The following FERRY3 variants were observed in gnomAD, a reference collection of about 807,000 sequenced individuals.
FERRY3 encodes the protein FERRY endosomal RAB5 effector complex subunit 3, also known as protein C12orf4.
chr12:4,516,940 C>A, the FERRY3 span: 2 of 975,474 alleles, frequency 2.1e-6, no homozygotes, highest in Non-Finnish European at 2.7e-6. Flanking sequence ...TTAAAAAAAT[C>A]TTAATTTTGT....
the FERRY3 span, chr12:4,518,179 A>T: frequency 6.2e-7 from 1 of 1,614,118 alleles, no homozygotes; most frequent in Non-Finnish European, 8.5e-7. Flanking sequence ...CACTTCGATG[A>T]TTTCTTTTAT....
the FERRY3 span, among the ~76,000 whole-genome samples, chr12:4,509,592 TGACCCCC>T: frequency 6.8e-6 from 1 of 146,896 alleles, no homozygotes; most frequent in African/African-American, 2.7e-5. Context: ...CCCTGACCCC[TGACCCCC>T]GAGCAGCCTA....
the FERRY3 span, among the ~76,000 whole-genome samples, chr12:4,493,906 A>G: frequency 1.5e-4 from 23 of 152,228 alleles, no homozygotes; most frequent in African/African-American, 4.6e-4. Context: ...CAGCCTGGCC[A>G]ACGTGGTGAA....
the FERRY3 span, chr12:4,489,930 G>A: frequency 7.5e-7 from 1 of 1,330,088 alleles, no homozygotes; most frequent in Middle Eastern, 1.9e-4. Context: ...AATTGCACTT[G>A]TTAAATCATC....
the FERRY3 span, chr12:4,490,513 A>G: frequency 1.3e-6 from 2 of 1,592,276 alleles, no homozygotes; most frequent in Non-Finnish European, 1.7e-6. Context: ...ATCTATTCAG[A>G]TAACATACCT....
At chr12:4,497,467 G>T in the FERRY3 span, among the ~76,000 whole-genome samples, 118 of 152,176 alleles carry the variant, frequency 7.8e-4, no homozygotes, top group African/African-American at 2.6e-3. Flanking sequence ...GTTGAGCTGC[G>T]TACCTATGTG....
the FERRY3 span, among the ~76,000 whole-genome samples, chr12:4,516,701 G>A: frequency 6.6e-6 from 1 of 152,092 alleles, no homozygotes. Flanking sequence ...CACACACTCG[G>A]GCTTGTTAGG....
chr12:4,534,847 C>T, the FERRY3 span, among the ~76,000 whole-genome samples: 1 of 152,208 alleles, frequency 6.6e-6, no homozygotes, highest in Non-Finnish European at 1.5e-5. Context: ...AAAGTCTTAA[C>T]TCTTACGTAT....
At chr12:4,518,344 A>G in the FERRY3 span, 1 of 1,196,720 alleles carries the variant, frequency 8.4e-7, no homozygotes, top group Non-Finnish European at 1.2e-6. Context: ...GCAAGAATCC[A>G]GATAAATCTG....
chr12:4,497,892 A>G, the FERRY3 span, among the ~76,000 whole-genome samples: 1 of 152,230 alleles, frequency 6.6e-6, no homozygotes. Flanking sequence ...TTAGAAGAGG[A>G]AAATGACACC....
the FERRY3 span, chr12:4,502,244 T>C: frequency 2.8e-6 from 1 of 351,180 alleles, no homozygotes; most frequent in Non-Finnish European, 5.5e-6. This position sits in a 1 kb window ranked among gnomAD's most constrained non-coding sequence, Gnocchi z 4.2. Flanking sequence ...GAGACCACTG[T>C]GTACATGCCA....
the FERRY3 span, chr12:4,489,583 AAG>A: frequency 1.5e-5 from 5 of 329,440 alleles, no homozygotes; most frequent in Admixed American, 4.5e-5. Flanking sequence ...AGAAGAAAAA[AAG>A]AGAAATTCAT....
chr12:4,536,092 G>A, the FERRY3 span: 1 of 1,609,900 alleles, frequency 6.2e-7, no homozygotes, highest in Non-Finnish European at 8.5e-7. Flanking sequence ...TCTTGAACAG[G>A]AAATTTGAGT....
At chr12:4,493,330 T>G in the FERRY3 span, among the ~76,000 whole-genome samples, 1 of 152,230 alleles carries the variant, frequency 6.6e-6, no homozygotes, top group Non-Finnish European at 1.5e-5. Context: ...TTATTACCTT[T>G]ACAATGCCTT....
At chr12:4,529,937 A>C in the FERRY3 span, 2 of 1,613,548 alleles carry the variant, frequency 1.2e-6, no homozygotes, top group Non-Finnish European at 1.7e-6. Flanking sequence ...CAAAGTAATT[A>C]TGTTCCAAAT....
chr12:4,509,485 C>G, the FERRY3 span: 2 of 150,936 alleles, frequency 1.3e-5, no homozygotes. Context: ...CCTCTGCAGA[C>G]TTAAATGTCC....
At chr12:4,536,796 T>G in the FERRY3 span, among the ~76,000 whole-genome samples, 1 of 152,094 alleles carries the variant, frequency 6.6e-6, no homozygotes, top group Admixed American at 6.5e-5. Context: ...AAGAAGAAAA[T>G]CTAGTTAAAG....
the FERRY3 span, among the ~76,000 whole-genome samples, chr12:4,521,500 A>T: frequency 6.6e-6 from 1 of 152,206 alleles, no homozygotes; most frequent in East Asian, 1.9e-4. Context: ...AAAGAAAGGG[A>T]CTTTCAAAAA....
At chr12:4,505,250 A>T in the FERRY3 span, 1 of 1,143,134 alleles carries the variant, frequency 8.7e-7, no homozygotes, top group East Asian at 2.4e-5. Flanking sequence ...GGTGTGCATT[A>T]TAAAACATCT....
Sources: allele counts gnomAD v4.1 joint callset (sites outside exome capture counted in the v4.1 genomes callset), GRCh38; gene constraint gnomAD v4.1.1; non-coding constraint Gnocchi (gnomAD v3.1); transcripts MANE v1.5; gene names NCBI Gene and HGNC (gene_info 2026-07-23, HGNC 2026-07-21).